Variants in CTNNA2 observed in about 807,000 individuals in gnomAD.
CTNNA2 encodes the protein catenin alpha-2.
In CTNNA2, 42 loss-of-function variants were observed where a neutral mutation model predicts 101.0. The observed-to-expected ratio is 0.42, with a 90% CI of 0.32 to 0.54. The LOEUF is 0.54. Among genes scored for constraint, CTNNA2 ranks in the 20% least tolerant of loss-of-function variants. CTNNA2 has a pLI of 0.14. For synonymous variants in CTNNA2, 450 were observed against 456.4 expected, an observed-to-expected ratio of 0.99 and a Z score of 0.18; for missense variants, 871 against 1,223.1, an observed-to-expected ratio of 0.71 and a Z score of 4.29.
intron 1 of CTNNA2, among the ~76,000 whole-genome samples, chr2:79,597,731 A>G (rs1425117185): frequency 6.6e-6 from 1 of 152,174 alleles, no homozygotes; most frequent in Non-Finnish European, 1.5e-5. Context: ...CCCCAGTGAG[A>G]CCCAGTACTA....
At chr2:80,392,572 C>A (rs1034346480) in intron 7 of CTNNA2, among the ~76,000 whole-genome samples, 2 of 152,010 alleles carry the variant, frequency 1.3e-5, no homozygotes, top group African/African-American at 4.8e-5. Context: ...TATTAAAGAA[C>A]ACTTTTTTTT....
At chr2:79,598,690 G>T (rs62140071) in intron 1 of CTNNA2, among the ~76,000 whole-genome samples, 21,723 of 151,866 alleles carry the variant, frequency 0.14, 2,453 homozygotes, top group African/African-American at 0.32. Context: ...GAATTCTTTG[G>T]ATATTTTGGA....
intron 3 of CTNNA2, among the ~76,000 whole-genome samples, chr2:79,811,229 G>A (rs1298206662): frequency 6.6e-6 from 1 of 152,114 alleles, no homozygotes; most frequent in Non-Finnish European, 1.5e-5. Flanking sequence ...TCTAACTGGT[G>A]TGAGATGGTA....
chr2:80,200,945 A>G (rs1293620087), intron 7 of CTNNA2, among the ~76,000 whole-genome samples: 5 of 151,980 alleles, frequency 3.3e-5, no homozygotes, highest in Admixed American at 2.0e-4. Flanking sequence ...AGATTATACA[A>G]TCATCCCTAA....
intron 3 of CTNNA2, among the ~76,000 whole-genome samples, chr2:79,766,439 T>C (rs182405142): frequency 7.2e-4 from 110 of 152,342 alleles, no homozygotes; most frequent in African/African-American, 2.6e-3. Context: ...TCTTTTATTT[T>C]TCTGCTTTTA....
At chr2:80,418,946 A>C (rs1357456455) in intron 8 of CTNNA2, among the ~76,000 whole-genome samples, 1 of 152,184 alleles carries the variant, frequency 6.6e-6, no homozygotes, top group East Asian at 1.9e-4. Context: ...AACAGTTTTG[A>C]GATTGTTAGA....
intron 4 of CTNNA2, among the ~76,000 whole-genome samples, chr2:79,391,826 T>G (rs995863051): frequency 1.2e-4 from 18 of 152,248 alleles, no homozygotes; most frequent in Non-Finnish European, 2.4e-4. Context: ...CAACAAAATT[T>G]TATTGTTTCA....
intron 2 of CTNNA2, among the ~76,000 whole-genome samples, chr2:79,685,801 A>C (rs1337366399): frequency 6.6e-6 from 1 of 152,200 alleles, no homozygotes; most frequent in Non-Finnish European, 1.5e-5. Flanking sequence ...ATAGGAACTA[A>C]TCAGGGGAAG....
Position 79,231,015 on chromosome 2 carries a change from A to C in CTNNA2, c.-406+32939A>C, listed in dbSNP as rs13414043. Among the ~76,000 whole-genome samples, 593 of 152,284 alleles carry C rather than the reference A, an allele frequency of 3.9e-3. 5 individuals carry two copies. The highest frequency in any genetic ancestry group is 0.013 in the African/African-American group (550 of 41,566). ...GTAACTGACTTGCTTTTAATTTTAC[A>C]GGCTCATAGGGAGAAGGGAGTTGTA... On this transcript the variant is annotated intron_variant, in intron 2 of 21. Coordinates refer to the CTNNA2 transcript ENST00000466387.
At chr2:79,188,161 A>T (rs997907927) in intron 1 of CTNNA2, among the ~76,000 whole-genome samples, 5 of 152,222 alleles carry the variant, frequency 3.3e-5, no homozygotes, top group African/African-American at 1.2e-4. Flanking sequence ...TTCATTAAAA[A>T]GAGTTTATTT....
intron 7 of CTNNA2, among the ~76,000 whole-genome samples, chr2:80,315,752 A>C (rs914230776): frequency 6.6e-6 from 1 of 152,196 alleles, no homozygotes; most frequent in African/African-American, 2.4e-5. Context: ...AAGAATTTAT[A>C]GTTGTTTTTG....
chr2:79,358,305 T>G (rs921341080), intron 3 of CTNNA2, among the ~76,000 whole-genome samples: 1 of 152,084 alleles, frequency 6.6e-6, no homozygotes, highest in Non-Finnish European at 1.5e-5. Flanking sequence ...GTTCAAGTGA[T>G]TCTCCTGCCT....
At chr2:79,504,754 C>T (rs963412231) in intron 4 of CTNNA2, among the ~76,000 whole-genome samples, 1 of 152,096 alleles carries the variant, frequency 6.6e-6, no homozygotes, top group Non-Finnish European at 1.5e-5. Flanking sequence ...TCAGGAGAAA[C>T]ATCATGTCAT....
intron 3 of CTNNA2, among the ~76,000 whole-genome samples, chr2:79,775,946 T>C (rs753281465): frequency 6.6e-5 from 10 of 152,206 alleles, no homozygotes; most frequent in Non-Finnish European, 1.5e-4. Flanking sequence ...TTCTCCATAG[T>C]TGGTAAGGGT....
At chr2:79,406,111 C>A (rs1678338603) in intron 4 of CTNNA2, among the ~76,000 whole-genome samples, 1 of 151,986 alleles carries the variant, frequency 6.6e-6, no homozygotes, top group African/African-American at 2.4e-5. Flanking sequence ...AAGAGGAATG[C>A]AAACTAGAAC....
intron 4 of CTNNA2, among the ~76,000 whole-genome samples, chr2:79,418,712 T>C (rs1032530306): frequency 1.1e-4 from 16 of 152,122 alleles, no homozygotes; most frequent in Non-Finnish European, 1.5e-5. Flanking sequence ...AAGAAGGCAC[T>C]GTGAATGAAA....
intron 1 of CTNNA2, among the ~76,000 whole-genome samples, chr2:79,515,857 A>G (rs1671781421): frequency 2.0e-5 from 3 of 152,192 alleles, no homozygotes; most frequent in Admixed American, 2.0e-4. Context: ...AGAAGATCTT[A>G]TGGACCCCTG....
At chr2:80,543,522 C>T (rs1368349655) in intron 9 of CTNNA2, among the ~76,000 whole-genome samples, 1 of 152,106 alleles carries the variant, frequency 6.6e-6, no homozygotes, top group African/African-American at 2.4e-5. Context: ...CCTCTTTCTC[C>T]CTTAAAAACT....
chr2:79,676,088 C>A (rs984389834), intron 2 of CTNNA2, among the ~76,000 whole-genome samples: 1 of 152,184 alleles, frequency 6.6e-6, no homozygotes, highest in South Asian at 2.1e-4. Flanking sequence ...CAGGTCTGTG[C>A]TGAGTTGGTC....
Sources: allele counts gnomAD v4.1 joint callset (sites outside exome capture counted in the v4.1 genomes callset), GRCh38; gene constraint gnomAD v4.1.1; transcripts MANE v1.5; gene names NCBI Gene and HGNC (gene_info 2026-07-23, HGNC 2026-07-21).